Variants in MILR1 observed in about 807,000 individuals in gnomAD.
MILR1 encodes the protein mast cell immunoglobulin like receptor 1.
MILR1 carries 31 observed loss-of-function variants against 18.5 expected under a neutral mutation model. The ratio of observed to expected loss-of-function variants is 1.68; its 90% CI spans 1.26 to 2.26. The LOEUF is 2.26. Among genes scored for constraint, MILR1 ranks in the 30% most tolerant of loss-of-function variants. The pLI is 0.00. For missense variants in MILR1, 257 were observed against 157.4 expected (o/e 1.63, Z -3.38); for synonymous variants, 85 against 56.2 (o/e 1.51, Z -2.30).
chr17:64,475,132 G>C, the MILR1 span, among the ~76,000 whole-genome samples: 3 of 150,378 alleles, frequency 2.0e-5, no homozygotes, highest in Admixed American at 6.7e-5. Context: ...GTTGCAGTAG[G>C]CCAAGATCGC....
chr17:64,469,757 C>T (rs782817944), downstream of MILR1, among the ~76,000 whole-genome samples: 7 of 152,120 alleles, frequency 4.6e-5, no homozygotes, highest in African/African-American at 7.2e-5. Flanking sequence ...CTCAGACCCA[C>T]GCTGCTGTGG....
the MILR1 span, among the ~76,000 whole-genome samples, chr17:64,483,375 A>AGGTAT: frequency 6.6e-6 from 1 of 151,994 alleles, no homozygotes; most frequent in East Asian, 1.9e-4. Context: ...AAAATTAGCT[A>AGGTAT]GGTATGGCGC....
At chr17:64,482,529 A>AG in the MILR1 span, among the ~76,000 whole-genome samples, 1 of 152,146 alleles carries the variant, frequency 6.6e-6, no homozygotes, top group South Asian at 2.1e-4. Flanking sequence ...CATATTGGCC[A>AG]GGATGGTCTC....
At chr17:64,491,980 TAA>T in the MILR1 span, among the ~76,000 whole-genome samples, 1 of 136,600 alleles carries the variant, frequency 7.3e-6, no homozygotes, top group Non-Finnish European at 1.6e-5. Context: ...TAAAATAAAA[TAA>T]AAAGTGAAAA....
downstream of MILR1, among the ~76,000 whole-genome samples, chr17:64,469,442 G>C (rs2037652736): frequency 6.6e-6 from 1 of 152,188 alleles, no homozygotes; most frequent in Non-Finnish European, 1.5e-5. Context: ...CTGTCGCCCA[G>C]GTTGGAGTGC....
Position 64,462,792 on chromosome 17 carries a change from C to G in MILR1, c.763+1860C>G, listed in dbSNP as rs200637477. Among the ~76,000 whole-genome samples the G allele has an allele frequency of 4.1e-4, 62 of 152,048 alleles. No homozygotes were observed. The East Asian group carries it at 0.011, about 28-fold the overall frequency. On this transcript the variant is annotated intron_variant, in intron 5 of 9. Transcript: ENST00000619286. ...AGTAGCTGGGATTACAGGCACCCAC[C>G]ACCATGTATTTTTAGTAAAGACAGG...
chr17:64,473,219 C>T (rs1043832217), downstream of MILR1, among the ~76,000 whole-genome samples: 28 of 152,064 alleles, frequency 1.8e-4, no homozygotes, highest in Middle Eastern at 0.01. Context: ...GGCGAGGTGG[C>T]GGGCACCTGT....
the MILR1 span, among the ~76,000 whole-genome samples, chr17:64,484,769 A>G: frequency 6.6e-6 from 1 of 152,220 alleles, no homozygotes; most frequent in Admixed American, 6.5e-5. Flanking sequence ...AGACTTCTCT[A>G]TGGTTATAGC....
the MILR1 span, among the ~76,000 whole-genome samples, chr17:64,483,585 T>C: frequency 6.6e-6 from 1 of 151,958 alleles, no homozygotes; most frequent in African/African-American, 2.4e-5. Flanking sequence ...AAATGCTTCT[T>C]TCAGCATCAC....
intron 8 of MILR1, among the ~76,000 whole-genome samples, chr17:64,466,968 T>C (rs1184000098): frequency 6.6e-6 from 1 of 151,716 alleles, no homozygotes; most frequent in African/African-American, 2.4e-5. Flanking sequence ...TCCCTCCCTC[T>C]CTCTCTTTCT....
downstream of MILR1, among the ~76,000 whole-genome samples, chr17:64,472,756 T>TAG (rs1315621498): frequency 2.0e-5 from 3 of 152,068 alleles, no homozygotes; most frequent in Non-Finnish European, 2.9e-5. Flanking sequence ...CTATGCCATC[T>TAG]AGGTTTGTGT....
the MILR1 span, chr17:64,485,861 T>C: frequency 1.2e-6 from 2 of 1,613,970 alleles, no homozygotes; most frequent in South Asian, 1.1e-5. Context: ...TTTTCGTCCA[T>C]CTCGGCCCTT....
chr17:64,461,527 G>A (rs1476233353), intron 5 of MILR1, among the ~76,000 whole-genome samples: 3 of 152,070 alleles, frequency 2.0e-5, no homozygotes, highest in Non-Finnish European at 2.9e-5. Context: ...GGGATTACAG[G>A]TGTGAGCCAC....
chr17:64,491,118 T>C, the MILR1 span: 4 of 686,168 alleles, frequency 5.8e-6, no homozygotes, highest in African/African-American at 7.2e-5. Flanking sequence ...ATTTTAAAGT[T>C]TATTCTAATT....
the MILR1 span, chr17:64,493,144 TTGG>T: frequency 9.0e-7 from 1 of 1,106,900 alleles, no homozygotes; most frequent in Non-Finnish European, 1.4e-6. Context: ...TTGGCTAAGC[TTGG>T]TGGCTCACGC....
chr17:64,481,824 G>A, the MILR1 span, among the ~76,000 whole-genome samples: 56 of 151,968 alleles, frequency 3.7e-4, no homozygotes, highest in African/African-American at 1.3e-3. Flanking sequence ...GCAGTGAGCC[G>A]AGATCGTGCC....
At chr17:64,485,544 C>T in the MILR1 span, 4 of 618,746 alleles carry the variant, frequency 6.5e-6, no homozygotes, top group Non-Finnish European at 1.1e-5. Flanking sequence ...ATGCCTTGTT[C>T]TATTCTGTGA....
intron 5 of MILR1, among the ~76,000 whole-genome samples, chr17:64,462,873 G>T (rs1474858768): frequency 6.6e-6 from 1 of 151,880 alleles, no homozygotes; most frequent in Non-Finnish European, 1.5e-5. Flanking sequence ...TGATCTGCTC[G>T]CCTCAGCCTC....
At chr17:64,481,573 T>G in the MILR1 span, 3 of 278,920 alleles carry the variant, frequency 1.1e-5, no homozygotes, top group Non-Finnish European at 1.6e-5. Flanking sequence ...ACCAAAAGTG[T>G]TAAGTTCAAA....
Sources: gnomAD v4.1 joint callset for allele counts (sites outside exome capture counted in the v4.1 genomes callset) on GRCh38, gnomAD v4.1.1 for gene constraint, MANE v1.5 for transcripts, NCBI Gene and HGNC (gene_info 2026-07-23, HGNC 2026-07-21) for gene names.